Variants in SKOR1 observed in about 807,000 individuals in gnomAD.
SKOR1 encodes the protein SKI family transcriptional corepressor 1.
In SKOR1, 38 loss-of-function variants were observed where a neutral mutation model predicts 72.4. The observed-to-expected ratio is 0.52, with a 90% CI of 0.40 to 0.69. The LOEUF (loss-of-function observed/expected upper bound fraction) is 0.69. Among genes scored for constraint, SKOR1 ranks in the 30% least tolerant of loss-of-function variants. The pLI is 0.00. For synonymous variants in SKOR1, 642 were observed against 599.4 expected (o/e 1.07, Z -1.04); for missense variants, 1,320 against 1,343.2 (o/e 0.98, Z 0.27).
rs749464096 is a variant in SKOR1, at chr15:67,832,721, C to T, written c.2737+40C>T. On this transcript the variant is annotated intron_variant, in intron 7 of 8. Transcript: ENST00000380035. The surrounding 1 kb of genome is among the most constrained non-coding windows in gnomAD (Gnocchi z 4.5). ...AGGTGAGCTCGTGCACGGGCCGTAACTGCCTCTCGTCTGGCAGGAGCCGCA... is the reference window on the plus strand; with the variant it reads ...AGGTGAGCTCGTGCACGGGCCGTAATTGCCTCTCGTCTGGCAGGAGCCGCA... The T allele has an allele frequency of 1.9e-6, 3 of 1,549,674 alleles. No individual in the cohort carries two copies. The highest frequency in any genetic ancestry group is 1.7e-5 in the Admixed American group (1 of 59,712).
chr15:67,826,716 G>T lies in SKOR1; in HGVS notation c.888G>T (p.Gly296=). 1 of 1,542,010 alleles carries T rather than the reference G, an allele frequency of 6.5e-7. No individual in the cohort carries two copies. The highest frequency in any genetic ancestry group is 1.4e-5 in the African/African-American group (1 of 73,248). The change falls in exon 2 of 9, where the codon GGG becomes GGT. Residue 296 remains glycine (G), a synonymous_variant. Transcript: ENST00000380035. ...GCGGTGCCAATGGCGGGTCGGGTGG[G>T]CAGGGGAAGGGTGGTGCTGGCGGCG... The part of the protein sequence containing the change: ...GGGGANGGSG[G]QGKGGAGGGG...
intron 2 of SKOR1, 78 bp from the exon 3 acceptor site, chr15:67,829,101 G>T: frequency 7.5e-7 from 1 of 1,339,184 alleles, no homozygotes; most frequent in Non-Finnish European, 9.9e-7. Flanking sequence ...TTCCCTCTTG[G>T]CCGCGGGGTA....
In SKOR1 at chr15:67,828,129, C is replaced by T. The variant is rs1013140037; in HGVS notation, c.2301C>T (p.Gly767=). 1 of 1,488,694 alleles carries T rather than the reference C, an allele frequency of 6.7e-7. No homozygotes were observed. 92.2% of individuals were successfully genotyped at this position (1,488,694 alleles called of 1,614,324 possible). A position where few individuals can be genotyped will look rare whatever the true frequency, so the allele number is the denominator to read the frequency against. Residue 767 remains glycine (G), a synonymous_variant, in exon 2 of 9, where the codon GGC becomes GGT. Transcript: ENST00000380035. Reference sequence around the variant, plus strand: ...GAGAGCCTTGCGGGCCCCTAGGAGGCCCCGCGCCGGCCAAGGTGAGCCCCG... The same window carrying T: ...GAGAGCCTTGCGGGCCCCTAGGAGGTCCCGCGCCGGCCAAGGTGAGCCCCG... ...ELREPCGPLG[G]PAPAKVFAPE...
In SKOR1 at chr15:67,833,136, C is replaced by T. The variant is rs2091021386; in HGVS notation, c.2738-56C>T. ...GAGGAGGAAGCCCGGGCTGTGACCC[C>T]GGCCTTTCGGAGGGTGGTCTGCGTT... On this transcript the variant is annotated intron_variant, in intron 7 of 8. Transcript: ENST00000380035. This position sits in a 1 kb window ranked among gnomAD's most constrained non-coding sequence, Gnocchi z 6.0. 6.3e-7 allele frequency: 1 copy of T among 1,597,332 alleles called. No homozygotes were observed. Among genetic ancestry groups the T allele is most frequent in the Non-Finnish European group, 8.6e-7 (1 of 1,166,404 alleles).
At position 67,827,939 on chromosome 15, in the gene SKOR1, G is replaced by T; in HGVS notation, c.2111G>T (p.Gly704Val). The change falls in exon 2 of 9, where the codon GGC becomes GTC. Residue 704 changes from glycine (G) to valine (V), a missense_variant. Gly to Val is a moderately radical substitution (Grantham distance 109). Coordinates refer to ENST00000380035, the MANE Select transcript of SKOR1 (RefSeq NM_001365915.1). ...PTGPPSATSS[G>V]ADGPANSPDG... is the part of the protein sequence containing the mutation. ...GGACCCCCTTCCGCCACCTCCTCTG[G>T]CGCGGACGGTCCCGCAAACTCTCCC... is the stretch of plus-strand genomic sequence containing the variant. The T allele has an allele frequency of 1.9e-6, 3 of 1,577,068 alleles. No homozygotes were observed. Among genetic ancestry groups the T allele is most frequent in the Non-Finnish European group, 2.6e-6 (3 of 1,162,988 alleles).
At position 67,827,524 on chromosome 15, in the gene SKOR1, G is replaced by C. The variant is rs534962278; in HGVS notation, c.1696G>C (p.Gly566Arg). Reference protein sequence around the residue: ...ALSRGPLDEDGTDEALPPPLA... With the variant: ...ALSRGPLDEDRTDEALPPPLA... ...GTCCCGCGGGCCCCTGGACGAAGAC[G>C]GCACGGACGAGGCGCTGCCACCGCC... The change falls in exon 2 of 9, where the codon GGC becomes CGC. Residue 566 changes from glycine (G) to arginine (R), a missense_variant. By Grantham distance (125) the Gly-to-Arg change is moderately radical (BLOSUM62 -2). Coordinates refer to ENST00000380035, the MANE Select transcript of SKOR1 (RefSeq NM_001365915.1). The C allele has an allele frequency of 2.8e-5, 42 of 1,522,438 alleles. No homozygotes were observed. In the African/African-American group the frequency reaches 5.6e-4, roughly 20 times the overall value. The allele number at this position is 1,522,438 out of a possible 1,614,324, so 94.3% of individuals were successfully genotyped here.
Position 67,833,040 on chromosome 15 carries a change from T to A in SKOR1, c.2738-152T>A. 5.3e-6 allele frequency: 4 copies of A among 747,918 alleles called. No homozygotes were observed. In the East Asian group the frequency reaches 8.1e-5, roughly 15 times the overall value. 46.3% of individuals were successfully genotyped at this position (747,918 alleles called of 1,614,324 possible). ...AGGCCATTTCCTTCCTCCGCCAGTC[T>A]GCAGTTAGGAGCTCCGGTACCCCCT... On this transcript the variant is annotated intron_variant, in intron 7 of 8. Coordinates refer to ENST00000380035, the MANE Select transcript of SKOR1 (RefSeq NM_001365915.1). The surrounding 1 kb of genome is among the most constrained non-coding windows in gnomAD (Gnocchi z 6.0).
chr15:67,833,663 G>T lies in SKOR1; in HGVS notation c.2804-79G>T, dbSNP rs140179395. On this transcript the variant is annotated intron_variant, in intron 8 of 8. Coordinates refer to ENST00000380035, the MANE Select transcript of SKOR1 (RefSeq NM_001365915.1). This position sits in a 1 kb window ranked among gnomAD's most constrained non-coding sequence, Gnocchi z 6.0. ...CTGACCCCAAAGGGTTGGTAAGGCC[G>T]GGGAGGGGAAAGGGTGGACTGCGCG... 37 of 1,437,630 alleles carry T rather than the reference G, an allele frequency of 2.6e-5. No homozygotes were observed. In the East Asian group the frequency reaches 5.9e-4, roughly 23 times the overall value. The allele number at this position is 1,437,630 out of a possible 1,614,324, so 89.1% of individuals were successfully genotyped here.
chr15:67,832,552 T>G lies in SKOR1; in HGVS notation c.2663-55T>G. The stretch of plus-strand genomic sequence containing the variant: ...AAAGGGGGGGCCAGGAGTGAGAAAG[T>G]GGAGCCGGGAGAGGGGGCTGTGCGT... On this transcript the variant is annotated intron_variant, in intron 6 of 8. Transcript: ENST00000380035. This position sits in a 1 kb window ranked among gnomAD's most constrained non-coding sequence, Gnocchi z 4.5. 6.5e-7 allele frequency: 1 copy of G among 1,530,710 alleles called. No homozygotes were observed. Among genetic ancestry groups the G allele is most frequent in the South Asian group, 1.1e-5 (1 of 88,748 alleles). 94.8% of individuals were successfully genotyped at this position (1,530,710 alleles called of 1,614,324 possible).
In SKOR1 at chr15:67,827,953, G is replaced by A. The variant is rs1360648487; in HGVS notation, c.2125G>A (p.Ala709Thr). Residue 709 changes from alanine (A) to threonine (T), a missense_variant, in exon 2 of 9, where the codon GCA (alanine) becomes ACA (threonine). Coordinates refer to ENST00000380035, the MANE Select transcript of SKOR1 (RefSeq NM_001365915.1). The stretch of plus-strand genomic sequence containing the variant: ...CACCTCCTCTGGCGCGGACGGTCCC[G>A]CAAACTCTCCCGACGGCGGCAGCCC... The part of the protein sequence containing the change: ...SATSSGADGP[A>T]NSPDGGSPRP... 2 of 1,565,074 alleles carry A rather than the reference G, an allele frequency of 1.3e-6. No individual in the cohort carries two copies. Among genetic ancestry groups the A allele is most frequent in the East Asian group, 2.3e-5 (1 of 42,756 alleles).
intron 5 of SKOR1, among the ~76,000 whole-genome samples, chr15:67,831,714 T>C (rs979728867): frequency 3.9e-5 from 6 of 152,106 alleles, no homozygotes; most frequent in African/African-American, 1.4e-4. Flanking sequence ...TCTTCCTAGT[T>C]ACAGATTTAC....
Position 67,829,172 on chromosome 15 carries a change from G to C in SKOR1, c.2317-7G>C. ...CCTAATCGCCTGTCATTTCTCGGCC[G>C]TCGCAGGTGTTCGCGCCCGAGAGGG... On this transcript the variant is annotated splice_polypyrimidine_tract_variant and splice_region_variant and intron_variant, in intron 2 of 8. Transcript: ENST00000380035. The C allele has an allele frequency of 6.5e-7, 1 of 1,543,670 alleles. No homozygotes were observed. Among genetic ancestry groups the C allele is most frequent in the Non-Finnish European group, 8.7e-7 (1 of 1,149,410 alleles).
Position 67,833,042 on chromosome 15 carries a change from C to A in SKOR1, c.2738-150C>A. On this transcript the variant is annotated intron_variant, in intron 7 of 8. Transcript: ENST00000380035. This position sits in a 1 kb window ranked among gnomAD's most constrained non-coding sequence, Gnocchi z 6.0. ...GCCATTTCCTTCCTCCGCCAGTCTG[C>A]AGTTAGGAGCTCCGGTACCCCCTCC... 1.3e-6 allele frequency: 1 copy of A among 759,608 alleles called. No homozygotes were observed. Among genetic ancestry groups the A allele is most frequent in the East Asian group, 2.7e-5 (1 of 37,048 alleles). 47.1% of individuals were successfully genotyped at this position (759,608 alleles called of 1,614,324 possible). A position where few individuals can be genotyped will look rare whatever the true frequency, so the allele number is the denominator to read the frequency against.
chr15:67,828,011 C>A lies in SKOR1; in HGVS notation c.2183C>A (p.Ala728Asp). Residue 728 changes from alanine (A) to aspartate (D), a missense_variant, in exon 2 of 9, where the codon GCT becomes GAT. Physicochemically the swap from Ala to Asp is moderately radical, Grantham distance 126. Transcript: ENST00000380035. ...CGGCGCCGCCTCGGGCCACCCCCAG[C>A]TGGCCGGCCCGCATTTGGGGACTTG... is the stretch of plus-strand genomic sequence containing the variant. Reference protein sequence around the residue: ...RPRRRLGPPPAGRPAFGDLAA... With the variant: ...RPRRRLGPPPDGRPAFGDLAA... 6.5e-7 allele frequency: 1 copy of A among 1,539,706 alleles called. No homozygotes were observed. Among genetic ancestry groups the A allele is most frequent in the East Asian group, 2.5e-5 (1 of 40,576 alleles).
rs892984237 is a variant in SKOR1, at chr15:67,833,108, G to C, written c.2738-84G>C. 3.5e-6 allele frequency: 5 copies of C among 1,438,474 alleles called. No homozygotes were observed. Among genetic ancestry groups the C allele is most frequent in the Non-Finnish European group, 3.9e-6 (4 of 1,028,424 alleles). The allele number at this position is 1,438,474 out of a possible 1,614,324, so 89.1% of individuals were successfully genotyped here. ...GTTTCTGCGCGGAGCTTAGCCCTGG[G>C]GAGAGGAGGAAGCCCGGGCTGTGAC... On this transcript the variant is annotated intron_variant, in intron 7 of 8. Transcript: ENST00000380035. This position sits in a 1 kb window ranked among gnomAD's most constrained non-coding sequence, Gnocchi z 6.0.
At position 67,826,064 on chromosome 15, in the gene SKOR1, A is replaced by C; in HGVS notation, c.236A>C (p.Glu79Ala). Residue 79 changes from glutamate to alanine, a missense_variant, in exon 2 of 9, where the codon GAG becomes GCG. Glu to Ala is a moderately radical substitution (Grantham distance 107). This residue lies in a region of SKOR1 where 120 missense variants were observed against 104.9 expected (regional missense o/e 1.14). Transcript: ENST00000380035. Reference sequence around the variant, plus strand: ...GCTCTCAAACCCAACCAGGTGGGCGAGACGTCGCTGTACGGGGTGCCCATT... The same window carrying C: ...GCTCTCAAACCCAACCAGGTGGGCGCGACGTCGCTGTACGGGGTGCCCATT... ...SSALKPNQVG[E>A]TSLYGVPIVS... 2 of 1,592,554 alleles carry C rather than the reference A, an allele frequency of 1.3e-6. No homozygotes were observed. Among genetic ancestry groups the C allele is most frequent in the Non-Finnish European group, 1.7e-6 (2 of 1,165,628 alleles).
rs1277442323 is a variant in SKOR1, at chr15:67,827,459, A to G, written c.1631A>G (p.Glu544Gly). The G allele has an allele frequency of 5.3e-6, 8 of 1,521,876 alleles. No homozygotes were observed. Among genetic ancestry groups the G allele is most frequent in the African/African-American group, 1.4e-5 (1 of 70,418 alleles). The allele number at this position is 1,521,876 out of a possible 1,614,324, so 94.3% of individuals were successfully genotyped here. A position where few individuals can be genotyped will look rare whatever the true frequency, so the allele number is the denominator to read the frequency against. ...CTGGACGGTGCCGAGCCAGCCAAAG[A>G]GAGTGGCCTCGGCGCGGAGGAGCGC... ...EPLDGAEPAK[E>G]SGLGAEERCP... is the part of the protein sequence containing the mutation. The change falls in exon 2 of 9, where the codon GAG becomes GGG. Residue 544 changes from glutamate to glycine, a missense_variant. Glu to Gly is a moderately conservative substitution (Grantham distance 98, BLOSUM62 -2). This residue lies in a region of SKOR1 where 1,099 missense variants were observed against 1,025.5 expected (regional missense o/e 1.07). Transcript: ENST00000380035.
Position 67,827,246 on chromosome 15 carries a change from C to G in SKOR1, c.1418C>G (p.Ala473Gly). The G allele has an allele frequency of 6.3e-7, 1 of 1,575,418 alleles. No homozygotes were observed. The highest frequency in any genetic ancestry group is 8.6e-7 in the Non-Finnish European group (1 of 1,169,318). The change falls in exon 2 of 9, where the codon GCG becomes GGG. Residue 473 changes from alanine (A) to glycine (G), a missense_variant. By Grantham distance (60) the Ala-to-Gly change is moderately conservative. Coordinates refer to ENST00000380035, the MANE Select transcript of SKOR1 (RefSeq NM_001365915.1). ...HQPSGAAKDA[A>G]AVAAAAAAAT... ...CCCTCCGGGGCAGCCAAGGACGCAGCGGCAGTGGCTGCAGCGGCCGCCGCC... is the reference window on the plus strand; with the variant it reads ...CCCTCCGGGGCAGCCAAGGACGCAGGGGCAGTGGCTGCAGCGGCCGCCGCC...
At position 67,825,803 on chromosome 15, in the gene SKOR1, G is replaced by T. The variant is rs1295740424; in HGVS notation, c.107+94G>T. Reference sequence around the variant, plus strand: ...GTAACAAAAGACGCCTGTCCAGGGGGTGAATGAGTTTGGACTCCCCACTGC... The same window carrying T: ...GTAACAAAAGACGCCTGTCCAGGGGTTGAATGAGTTTGGACTCCCCACTGC... On this transcript the variant is annotated intron_variant, in intron 1 of 8. Transcript: ENST00000380035. The surrounding 1 kb of genome is among the most constrained non-coding windows in gnomAD (Gnocchi z 5.6). 5.3e-6 allele frequency: 8 copies of T among 1,510,360 alleles called. No homozygotes were observed. In the Admixed American group the frequency reaches 1.1e-4, roughly 21 times the overall value. The allele number at this position is 1,510,360 out of a possible 1,614,324, so 93.6% of individuals were successfully genotyped here.
Sources: gnomAD v4.1 joint callset for allele counts (sites outside exome capture counted in the v4.1 genomes callset) on GRCh38, gnomAD v4.1.1 for gene constraint, gnomAD v4.1.1 regional missense constraint, Gnocchi (gnomAD v3.1) non-coding constraint, MANE v1.5 for transcripts, NCBI Gene and HGNC (gene_info 2026-07-23, HGNC 2026-07-21) for gene names.